Variants in HECTD4 observed in about 807,000 individuals in gnomAD.
HECTD4 encodes HECT domain E3 ubiquitin protein ligase 4.
In HECTD4, 114 loss-of-function variants were observed where a neutral mutation model predicts 471.5. The observed-to-expected ratio is 0.24, with a 90% CI of 0.21 to 0.28. HECTD4 has a LOEUF of 0.28. HECTD4 is among the 10% of genes least tolerant of loss of function. The pLI is 1.00. For synonymous variants in HECTD4, 2,012 were observed against 2,256.0 expected, an observed-to-expected ratio of 0.89 and a Z score of 3.07; for missense variants, 3,866 against 5,651.5, an observed-to-expected ratio of 0.68 and a Z score of 10.13.
chr12:112,252,438 T>C lies in HECTD4; in HGVS notation c.3538A>G (p.Thr1180Ala), dbSNP rs1445411894. 3 of 1,607,096 alleles carry C rather than the reference T, an allele frequency of 1.9e-6. No homozygotes were observed. Among genetic ancestry groups the C allele is most frequent in the Non-Finnish European group, 2.5e-6 (3 of 1,177,720 alleles). ...PDKAMWGFAC[T>A]VRAQESSEDV... ...GATTCAAGTACCTGAGCGCGAACTG[T>C]GCAAGCAAAGCCCCACATGGCTTTA... Residue 1180 changes from threonine to alanine, a missense_variant, in exon 23 of 76, where the codon ACA becomes GCA. Physicochemically the swap from Thr to Ala is moderately conservative, Grantham distance 58. Around this residue, in one of 16 missense-constraint regions of HECTD4, gnomAD observed 281 missense variants for 499.9 expected, o/e 0.56. Transcript: ENST00000682272.
chr12:112,376,302 A>G (rs2036779170), intron 1 of HECTD4, among the ~76,000 whole-genome samples: 1 of 151,942 alleles, frequency 6.6e-6, no homozygotes, highest in Non-Finnish European at 1.5e-5. Context: ...GCTGGAGCGC[A>G]GTGGCCTGAT....
intron 60 of HECTD4, among the ~76,000 whole-genome samples, chr12:112,189,425 G>A (rs1338911146): frequency 6.7e-6 from 1 of 149,932 alleles, no homozygotes; most frequent in Non-Finnish European, 1.5e-5. Flanking sequence ...GGTGGTGGGC[G>A]CCTGTGGTCC....
intron 54 of HECTD4, chr12:112,203,399 A>G: frequency 2.4e-6 from 1 of 413,072 alleles, no homozygotes; most frequent in Non-Finnish European, 4.3e-6. Context: ...GTGTGGTCTG[A>G]AGGCGGCCAC....
Position 112,329,387 on chromosome 12 carries a change from T to A in HECTD4, c.178-9645A>T, listed in dbSNP as rs1363782171. On this transcript the variant is annotated intron_variant, in intron 1 of 75. Transcript: ENST00000682272. ...GGTTTTTTGTTTTTTTTTTTTTTTTTAACAGAGTCTCGCTCTGTTGCCCAG... is the reference window on the plus strand; with the variant it reads ...GGTTTTTTGTTTTTTTTTTTTTTTTAAACAGAGTCTCGCTCTGTTGCCCAG... 2.9e-5 allele frequency among the ~76,000 whole-genome samples: 4 copies of A among 137,830 alleles called. 1 individual carries two copies. In the South Asian group the frequency reaches 9.6e-4, roughly 33 times the overall value. The allele number at this position is 137,830 out of a possible 152,430, so 90.4% of individuals were successfully genotyped here.
intron 72 of HECTD4, among the ~76,000 whole-genome samples, chr12:112,165,658 A>G (rs977387289): frequency 1.3e-5 from 2 of 152,114 alleles, no homozygotes; most frequent in African/African-American, 4.8e-5. Flanking sequence ...GCCTAAGAGC[A>G]ACTCATTTTA....
intron 39 of HECTD4, chr12:112,231,038 C>T: frequency 1.9e-6 from 1 of 517,916 alleles, no homozygotes; most frequent in East Asian, 3.1e-5. Context: ...AAACAATGGA[C>T]CTCAAACTTT....
At chr12:112,212,245 T>C (rs10850013) in intron 49 of HECTD4, among the ~76,000 whole-genome samples, 31,917 of 151,988 alleles carry the variant, frequency 0.21, 5,378 homozygotes, top group East Asian at 0.85. Context: ...TGGGAAAGGT[T>C]GCTAAAAAAA....
chr12:112,238,689 C>T (rs1220618477), intron 34 of HECTD4, among the ~76,000 whole-genome samples: 1 of 152,042 alleles, frequency 6.6e-6, no homozygotes. Context: ...GCTATGATTG[C>T]ACCACTGTAC....
chr12:112,370,943 C>T (rs1022683032), intron 1 of HECTD4, among the ~76,000 whole-genome samples: 4 of 152,146 alleles, frequency 2.6e-5, no homozygotes, highest in African/African-American at 9.7e-5. Context: ...TCTTGTAAAG[C>T]AGACTACACT....
chr12:112,252,417 C>T lies in HECTD4; in HGVS notation c.3552+7G>A, dbSNP rs770219204. ...TTTTGTCCACGGCAGTGGTTAGATT[C>T]AAGTACCTGAGCGCGAACTGTGCAA... On this transcript the variant is annotated splice_region_variant and intron_variant, in intron 23 of 75. Transcript: ENST00000682272. 1 of 1,584,342 alleles carries T rather than the reference C, an allele frequency of 6.3e-7. No individual in the cohort carries two copies. The highest frequency in any genetic ancestry group is 1.4e-5 in the African/African-American group (1 of 73,156).
At chr12:112,273,976 T>C (rs1226079458) in intron 10 of HECTD4, among the ~76,000 whole-genome samples, 181 bp from the exon 11 acceptor site, 2 of 152,252 alleles carry the variant, frequency 1.3e-5, no homozygotes, top group African/African-American at 4.8e-5. Context: ...AGGCCAGCAT[T>C]TAATTTTTAA....
At chr12:112,229,937 A>C (rs2033334445) in intron 40 of HECTD4, 57 bp from the exon 41 acceptor site, 3 of 1,476,700 alleles carry the variant, frequency 2.0e-6, no homozygotes, top group African/African-American at 2.8e-5. Context: ...TTTTGATGCC[A>C]AGGGTGATAA....
chr12:112,192,119 G>C (rs2032098603), intron 59 of HECTD4, among the ~76,000 whole-genome samples: 1 of 152,210 alleles, frequency 6.6e-6, no homozygotes, highest in Admixed American at 6.5e-5. Flanking sequence ...CAGGAGATGA[G>C]AGCAATCGAG....
chr12:112,235,044 A>C lies in HECTD4; in HGVS notation c.5915+33T>G. 2 of 1,541,634 alleles carry C rather than the reference A, an allele frequency of 1.3e-6. No homozygotes were observed. Among genetic ancestry groups the C allele is most frequent in the Non-Finnish European group, 1.8e-6 (2 of 1,140,164 alleles). On this transcript the variant is annotated intron_variant, in intron 37 of 75. Coordinates refer to ENST00000682272, the MANE Select transcript of HECTD4 (RefSeq NM_001388303.1). This position sits in a 1 kb window ranked among gnomAD's most constrained non-coding sequence, Gnocchi z 5.0. Reference sequence around the variant, plus strand: ...GTGCCTGTGACATGGGTGGTGCTTGAGGATGTGTAGCTATCACAATCATTA... The same window carrying C: ...GTGCCTGTGACATGGGTGGTGCTTGCGGATGTGTAGCTATCACAATCATTA...
chr12:112,171,452 C>T (rs777331861), intron 67 of HECTD4, 189 bp from the exon 68 acceptor site: 104 of 898,734 alleles, frequency 1.2e-4, no homozygotes, highest in Non-Finnish European at 1.6e-4. Flanking sequence ...ACACAAAGGG[C>T]GAGGGCCTGG....
intron 55 of HECTD4, among the ~76,000 whole-genome samples, chr12:112,196,764 C>G (rs2032256468): frequency 3.3e-5 from 5 of 151,940 alleles, no homozygotes; most frequent in Admixed American, 3.3e-4. Flanking sequence ...CTAATTTTTT[C>G]TTATTTTTGT....
chr12:112,226,847 G>GC (rs956057305), intron 43 of HECTD4, 89 bp from the exon 44 acceptor site: 2 of 944,120 alleles, frequency 2.1e-6, no homozygotes, highest in African/African-American at 1.6e-5. Flanking sequence ...AATCAATTTT[G>GC]CCCCCCAGTT....
intron 1 of HECTD4, among the ~76,000 whole-genome samples, chr12:112,327,146 G>A (rs1396115392): frequency 3.3e-5 from 5 of 152,016 alleles, no homozygotes; most frequent in South Asian, 2.1e-4. Flanking sequence ...GTGAAACCCC[G>A]TCTCTACTAA....
chr12:112,279,795 G>C (rs1185588015), intron 8 of HECTD4, among the ~76,000 whole-genome samples: 2 of 152,174 alleles, frequency 1.3e-5, no homozygotes, highest in African/African-American at 4.8e-5. Flanking sequence ...GACCAGAAGT[G>C]TTTTGGATTT....
Sources: gnomAD v4.1 joint callset for allele counts (sites outside exome capture counted in the v4.1 genomes callset) on GRCh38, gnomAD v4.1.1 for gene constraint, gnomAD v4.1.1 regional missense constraint, Gnocchi (gnomAD v3.1) non-coding constraint, MANE v1.5 for transcripts, NCBI Gene and HGNC (gene_info 2026-07-23, HGNC 2026-07-21) for gene names.